Variants in NLRP10 observed in about 807,000 individuals in gnomAD.
The protein encoded by NLRP10 is NACHT, LRR and PYD domains-containing protein 10.
In NLRP10, 7 loss-of-function variants were observed where a neutral mutation model predicts 8.2. The ratio of observed to expected loss-of-function variants is 0.85; its 90% CI spans 0.48 to 1.60. The LOEUF is 1.60. Ranked by LOEUF, NLRP10 falls within the 40% of genes most tolerant of loss-of-function variation. The probability of loss-of-function intolerance (pLI) is 0.00; values close to 1 mark genes in which losing one functional copy is unlikely to be tolerated. For missense variants in NLRP10, 814 were observed against 776.3 expected, an observed-to-expected ratio of 1.05 and a Z score of -0.58; for synonymous variants, 338 against 314.0, an observed-to-expected ratio of 1.08 and a Z score of -0.81.
chr11:7,960,266 C>G lies in NLRP10; in HGVS notation c.1346G>C (p.Ser449Thr), dbSNP rs780879496. Residue 449 changes from serine (S) to threonine (T), a missense_variant, in exon 3 of 3, where the codon AGT becomes ACT. Coordinates refer to ENST00000691676, the MANE Select transcript of NLRP10 (RefSeq NM_001391958.1). The part of the protein sequence containing the change: ...DGPRLAAFLS[S>T]NDYQLGLAIK... Reference sequence around the variant, plus strand: ...GGCAAGTCCCAATTGGTAGTCGTTACTACTCAGGAAAGCGGCAAGCCTGGG... The same window carrying G: ...GGCAAGTCCCAATTGGTAGTCGTTAGTACTCAGGAAAGCGGCAAGCCTGGG... 6.2e-7 allele frequency: 1 copy of G among 1,614,154 alleles called. No individual in the cohort carries two copies.
Position 7,961,195 on chromosome 11 carries a change from G to C in NLRP10, c.417C>G (p.Ala139=). 6.2e-7 allele frequency: 1 copy of C among 1,613,972 alleles called. No individual in the cohort carries two copies. Among genetic ancestry groups the C allele is most frequent in the Non-Finnish European group, 8.5e-7 (1 of 1,179,972 alleles). Residue 139 remains alanine (A), a synonymous_variant, in exon 3 of 3, where the codon GCC becomes GCG. Coordinates refer to ENST00000691676, the MANE Select transcript of NLRP10 (RefSeq NM_001391958.1). ...KPSSESPESL[A]CPFPEQELES... The stretch of plus-strand genomic sequence containing the variant: ...CCAGCTCCTGCTCCGGGAAGGGGCA[G>C]GCAAGTGATTCTGGGCTCTCTGAGC...
rs1941702074 is a variant in NLRP10, at chr11:7,960,636, AG to A, written c.975del (p.Ser326ProfsTer50). On this transcript the variant is annotated frameshift_variant, in exon 3 of 3. Transcript: ENST00000691676. LOFTEE classifies it low-confidence loss of function (END_TRUNC). The part of the protein sequence containing the change: ...FSEEERARYF[S>X]SYFTDEKQAD... ...GCTTGCTTCTCATCCGTGAAATAGG[AG>A]CTGAAGTACCTCGCCCTCTCCTCCT... 6.2e-7 allele frequency: 1 copy of A among 1,614,032 alleles called. No homozygotes were observed. Among genetic ancestry groups the A allele is most frequent in the Non-Finnish European group, 8.5e-7 (1 of 1,180,026 alleles).
chr11:7,959,590 T>A lies in NLRP10; in HGVS notation c.*54A>T, dbSNP rs1468444231. On this transcript the variant is annotated 3_prime_UTR_variant, in exon 3 of 3. Transcript: ENST00000691676. ...TCATTTACAGCTTCTTTGATTTCTT[T>A]CCTCAGAGTGTTGTCATTTTCCTCA... 2.3e-6 allele frequency: 2 copies of A among 875,688 alleles called. No homozygotes were observed. Among genetic ancestry groups the A allele is most frequent in the Non-Finnish European group, 3.5e-6 (2 of 578,118 alleles). The allele number at this position is 875,688 out of a possible 1,614,324, so 54.2% of individuals were successfully genotyped here.
rs773118600 is a variant in NLRP10, at chr11:7,958,773, C to G, written c.*871G>C. 1.3e-5 allele frequency among the ~76,000 whole-genome samples: 2 copies of G among 152,302 alleles called. No homozygotes were observed. Among genetic ancestry groups the G allele is most frequent in the South Asian group, 2.1e-4 (1 of 4,828 alleles). On this transcript the variant is annotated 3_prime_UTR_variant, in exon 3 of 3. Coordinates refer to ENST00000691676, the MANE Select transcript of NLRP10 (RefSeq NM_001391958.1). Reference sequence around the variant, plus strand: ...CCACATTGGCCAGGATGGTCTCGGTCTCTTGACCTCGTGATCCACCAGCCT... The same window carrying G: ...CCACATTGGCCAGGATGGTCTCGGTGTCTTGACCTCGTGATCCACCAGCCT...
rs1203998811 is a variant in NLRP10 at position 7,961,074 on chromosome 11, T to C, written c.538A>G (p.Thr180Ala). Residue 180 changes from threonine (T) to alanine (A), a missense_variant, in exon 3 of 3, where the codon ACA (threonine) becomes GCA (alanine). Coordinates refer to ENST00000691676, the MANE Select transcript of NLRP10 (RefSeq NM_001391958.1). ...VLQGSAGTGK[T>A]TLARKMVLDW... ...AACACCATTTTTCTGGCGAGAGTTG[T>C]CTTTCCAGTGCCAGCCGACCCCTGT... The C allele has an allele frequency of 1.2e-6, 2 of 1,614,148 alleles. No individual in the cohort carries two copies. The highest frequency in any genetic ancestry group is 1.7e-6 in the Non-Finnish European group (2 of 1,180,014).
chr11:7,963,775 T>A, intron 1 of NLRP10: 1 of 355,674 alleles, frequency 2.8e-6, no homozygotes, highest in South Asian at 5.0e-5. Context: ...GGTGTGTTAA[T>A]CTCTCAATCT....
Position 7,960,068 on chromosome 11 carries a change from T to C in NLRP10, c.1544A>G (p.Gln515Arg). The C allele has an allele frequency of 6.2e-7, 1 of 1,614,164 alleles. No individual in the cohort carries two copies. The highest frequency in any genetic ancestry group is 8.5e-7 in the Non-Finnish European group (1 of 1,180,026). Residue 515 changes from glutamine (Q) to arginine (R), a missense_variant, in exon 3 of 3, where the codon CAG (glutamine) becomes CGG (arginine). Coordinates refer to ENST00000691676, the MANE Select transcript of NLRP10 (RefSeq NM_001391958.1). ...EGNDEMTLTM[Q>R]FLLDISKKDS... is the part of the protein sequence containing the mutation. Reference sequence around the variant, plus strand: ...TTTTTTCGAGATGTCCAGTAAAAACTGCATAGTGAGGGTCATCTCATCATT... The same window carrying C: ...TTTTTTCGAGATGTCCAGTAAAAACCGCATAGTGAGGGTCATCTCATCATT...
At position 7,960,477 on chromosome 11, in the gene NLRP10, T is replaced by C; in HGVS notation, c.1135A>G (p.Arg379Gly). 6.2e-7 allele frequency: 1 copy of C among 1,614,176 alleles called. No individual in the cohort carries two copies. The highest frequency in any genetic ancestry group is 8.5e-7 in the Non-Finnish European group (1 of 1,180,028). Residue 379 changes from arginine (R) to glycine (G), a missense_variant, in exon 3 of 3, where the codon AGA becomes GGA. Physicochemically the swap from Arg to Gly is moderately radical, Grantham distance 125. Coordinates refer to ENST00000691676, the MANE Select transcript of NLRP10 (RefSeq NM_001391958.1). ...ERGKVVLETP[R>G]NSTDIFMAYV... Reference sequence around the variant, plus strand: ...GCCATGAAGATGTCAGTGCTGTTTCTAGGTGTCTCTAAGACAACTTTGCCT... The same window carrying C: ...GCCATGAAGATGTCAGTGCTGTTTCCAGGTGTCTCTAAGACAACTTTGCCT...
At chr11:7,962,973 G>A (rs1941757397) in intron 2 of NLRP10, among the ~76,000 whole-genome samples, 1 of 152,226 alleles carries the variant, frequency 6.6e-6, no homozygotes, top group Non-Finnish European at 1.5e-5. Flanking sequence ...GAGGTAAGAT[G>A]TGGGGAAGAA....
chr11:7,959,837 T>G lies in NLRP10; in HGVS notation c.1775A>C (p.Asn592Thr). ...ATTCTGGCTCTGTGATTTCTTTTCATTTGAATGTTTTATCTTGAATGATAC... is the reference window on the plus strand; with the variant it reads ...ATTCTGGCTCTGTGATTTCTTTTCAGTTGAATGTTTTATCTTGAATGATAC... ...NNVSFKIKHS[N>T]EKKSQSQNLF... Residue 592 changes from asparagine to threonine, a missense_variant, in exon 3 of 3, where the codon AAT (asparagine) becomes ACT (threonine). Asn to Thr is a moderately conservative substitution (Grantham distance 65, BLOSUM62 0). Transcript: ENST00000691676. 1 of 1,613,776 alleles carries G rather than the reference T, an allele frequency of 6.2e-7. No individual in the cohort carries two copies. The highest frequency in any genetic ancestry group is 8.5e-7 in the Non-Finnish European group (1 of 1,179,882).
chr11:7,958,206 A>G lies in NLRP10; in HGVS notation c.*1438T>C, dbSNP rs778121351. Among the ~76,000 whole-genome samples the G allele has an allele frequency of 1.7e-4, 26 of 152,210 alleles. No individual in the cohort carries two copies. Among genetic ancestry groups the G allele is most frequent in the Admixed American group, 3.3e-4 (5 of 15,280 alleles). On this transcript the variant is annotated 3_prime_UTR_variant, in exon 3 of 3. Coordinates refer to ENST00000691676, the MANE Select transcript of NLRP10 (RefSeq NM_001391958.1). ...CATGTGCAGGTTTTTATGTGGACATAAGTTTCCAACTCACTTGGGTTAATA... is the reference window on the plus strand; with the variant it reads ...CATGTGCAGGTTTTTATGTGGACATGAGTTTCCAACTCACTTGGGTTAATA...
Position 7,960,530 on chromosome 11 carries a change from C to G in NLRP10, c.1082G>C (p.Cys361Ser). Residue 361 changes from cysteine to serine, a missense_variant, in exon 3 of 3, where the codon TGC becomes TCC. Cys to Ser is a moderately radical substitution (Grantham distance 112). Coordinates refer to ENST00000691676, the MANE Select transcript of NLRP10 (RefSeq NM_001391958.1). ...CQVPGICWVVCSWLQGQMERG... is the reference protein window; with the variant it reads ...CQVPGICWVVSSWLQGQMERG... ...CTCCATCTGCCCCTGCAGCCAGGAG[C>G]AGACCACCCAGCAAATGCCTGGAAC... The G allele has an allele frequency of 6.2e-7, 1 of 1,614,210 alleles. No individual in the cohort carries two copies. Among genetic ancestry groups the G allele is most frequent in the Non-Finnish European group, 8.5e-7 (1 of 1,180,040 alleles).
rs1233475262 is a variant in NLRP10 at position 7,960,422 on chromosome 11, T to A, written c.1190A>T (p.Asp397Val). The change falls in exon 3 of 3, where the codon GAT (aspartate) becomes GTT (valine). Residue 397 changes from aspartate to valine, a missense_variant. Transcript: ENST00000691676. Reference sequence around the variant, plus strand: ...GGAAAGCTCGGAGCAGCCCCCATCATCATCGGGCGGCAGAAAGGTGGAGAC... The same window carrying A: ...GGAAAGCTCGGAGCAGCCCCCATCAACATCGGGCGGCAGAAAGGTGGAGAC... ...AYVSTFLPPDDDGGCSELSRH... is the reference protein window; with the variant it reads ...AYVSTFLPPDVDGGCSELSRH... The A allele has an allele frequency of 1.2e-6, 2 of 1,614,040 alleles. No individual in the cohort carries two copies. Among genetic ancestry groups the A allele is most frequent in the Non-Finnish European group, 1.7e-6 (2 of 1,180,022 alleles).
chr11:7,962,337 G>A (rs1388649648), intron 2 of NLRP10, among the ~76,000 whole-genome samples: 2 of 136,356 alleles, frequency 1.5e-5, no homozygotes, highest in Non-Finnish European at 3.1e-5. Context: ...CCGGGTTCAC[G>A]CCATTCTCCT....
chr11:7,961,982 G>A (rs1941739669), intron 2 of NLRP10, among the ~76,000 whole-genome samples: 1 of 128,672 alleles, frequency 7.8e-6, no homozygotes, highest in Admixed American at 7.3e-5. Context: ...ACAAGAGCTG[G>A]TTGTTTAAAG....
Position 7,960,775 on chromosome 11 carries a change from C to T in NLRP10, c.837G>A (p.Arg279=), listed in dbSNP as rs1941706372. ...PKESLLHLLI[R]RHTLPTCSLL... is the part of the protein sequence containing the mutation. The stretch of plus-strand genomic sequence containing the variant: ...GGGAGCACGTGGGGAGTGTATGTCT[C>T]CTAATTAGAAGGTGCAGCAGGCTCT... The change falls in exon 3 of 3, where the codon AGG becomes AGA. Residue 279 remains arginine (R), a synonymous_variant. Coordinates refer to ENST00000691676, the MANE Select transcript of NLRP10 (RefSeq NM_001391958.1). 1 of 1,614,034 alleles carries T rather than the reference C, an allele frequency of 6.2e-7. No homozygotes were observed. The highest frequency in any genetic ancestry group is 1.1e-5 in the South Asian group (1 of 91,062).
In NLRP10 at chr11:7,958,986, GCC is replaced by G. The variant is rs1941668024; in HGVS notation, c.*656_*657del. ...AGCATAAGTTTTTAATTTTCATGAA[GCC>G]AACTAATTCTTTTTTTAATGATTCA... On this transcript the variant is annotated 3_prime_UTR_variant, in exon 3 of 3. Coordinates refer to ENST00000691676, the MANE Select transcript of NLRP10 (RefSeq NM_001391958.1). Among the ~76,000 whole-genome samples, 1 of 151,854 alleles carries G rather than the reference GCC, an allele frequency of 6.6e-6. No homozygotes were observed. The highest frequency in any genetic ancestry group is 6.6e-5 in the Admixed American group (1 of 15,242).
chr11:7,964,523 G>C (rs1941788950), intron 1 of NLRP10, among the ~76,000 whole-genome samples: 1 of 152,172 alleles, frequency 6.6e-6, no homozygotes, highest in African/African-American at 2.4e-5. Context: ...ATCGTCTCAG[G>C]AACTGTTCCA....
rs1564878110 is a variant in NLRP10, at chr11:7,960,877, C to T, written c.735G>A (p.Leu245=). 6.2e-7 allele frequency: 1 copy of T among 1,614,182 alleles called. No individual in the cohort carries two copies. The highest frequency in any genetic ancestry group is 2.2e-5 in the East Asian group (1 of 44,884). The change falls in exon 3 of 3, where the codon CTG becomes CTA. Residue 245 remains leucine, a synonymous_variant. Coordinates refer to ENST00000691676, the MANE Select transcript of NLRP10 (RefSeq NM_001391958.1). ...GCTCATCAAAGCCATCCAGGATGAA[C>T]AGGAGCCGCTCTGGCTGCCTCAGAA... ...TEILRQPERL[L]FILDGFDELQ... is the part of the protein sequence containing the mutation.
Sources: allele counts gnomAD v4.1 joint callset (sites outside exome capture counted in the v4.1 genomes callset), GRCh38; gene constraint gnomAD v4.1.1; transcripts MANE v1.5; gene names NCBI Gene and HGNC (gene_info 2026-07-23, HGNC 2026-07-21).